DEFB126: variants seen among roughly 807,000 people sequenced by gnomAD.
DEFB126 encodes the protein beta-defensin 126.
DEFB126 carries 2 observed loss-of-function variants against 2.5 expected under a neutral mutation model. The ratio of observed to expected loss-of-function variants is 0.79; its 90% confidence interval spans 0.32 to 2.49. DEFB126 has a LOEUF of 2.49. DEFB126 is among the 30% of genes most tolerant of loss of function. The probability of loss-of-function intolerance (pLI) is 0.11; values close to 1 mark genes in which losing one functional copy is unlikely to be tolerated. For missense variants in DEFB126, 136 were observed against 135.4 expected, an observed-to-expected ratio of 1.00 and a Z score of -0.02; for synonymous variants, 51 against 45.4, an observed-to-expected ratio of 1.12 and a Z score of -0.50.
Position 145,551 on chromosome 20 carries a change from T to G in DEFB126, c.195T>G (p.Arg65=). ...ACTGCTGTGTTCCAGCTGACAGACG[T>G]GCTAATTATCCTGTTTTCTGTGTCC... ...QRDCCVPADR[R]ANYPVFCVQT... The change falls in exon 2 of 2, where the codon CGT becomes CGG. Residue 65 remains arginine (R), a synonymous_variant. Transcript: ENST00000382398. The G allele has an allele frequency of 6.2e-7, 1 of 1,614,072 alleles. No individual in the cohort carries two copies. The highest frequency in any genetic ancestry group is 8.5e-7 in the Non-Finnish European group (1 of 1,179,962).
intron 1 of DEFB126, 50 bp downstream of exon 1, chr20:142,736 G>C (rs776601402): frequency 1.3e-6 from 2 of 1,580,258 alleles, no homozygotes; most frequent in Non-Finnish European, 1.7e-6. Context: ...ACAGGGTCCT[G>C]CACATGGAGT....
chr20:145,348 A>G (rs1284420456), intron 1 of DEFB126, 67 bp from the exon 2 acceptor site: 5 of 1,477,402 alleles, frequency 3.4e-6, no homozygotes, highest in African/African-American at 1.4e-5. Flanking sequence ...CTCAAAAACT[A>G]TTGCTATTTT....
intron 1 of DEFB126, among the ~76,000 whole-genome samples, chr20:143,667 G>A (rs1334105151): frequency 2.6e-5 from 4 of 151,968 alleles, no homozygotes; most frequent in African/African-American, 9.7e-5. Context: ...TGGTACAAGG[G>A]TATTATTTCT....
In DEFB126 at chr20:145,688, G is replaced by A. The variant is rs560284689; in HGVS notation, c.332G>A (p.Gly111Asp). The change falls in exon 2 of 2, where the codon GGT (glycine) becomes GAT (aspartate). Residue 111 changes from glycine (G) to aspartate (D), a missense_variant. By Grantham distance (94) the Gly-to-Asp change is moderately conservative. Transcript: ENST00000382398. ...GCTCCTACCCCCGTTTCTCCCACTG[G>A]TTGAACATTCCAGCCTCTGTCTCCT... ...SMAPTPVSPT[G>D] 6 of 1,610,114 alleles carry A rather than the reference G, an allele frequency of 3.7e-6. No homozygotes were observed. The Admixed American group carries it at 5.0e-5, about 13-fold the overall frequency.
rs752891875 is a variant in DEFB126 at position 145,533 on chromosome 20, T to C, written c.177T>C (p.Cys59=). 6.2e-7 allele frequency: 1 copy of C among 1,614,088 alleles called. No homozygotes were observed. Among genetic ancestry groups the C allele is most frequent in the Non-Finnish European group, 8.5e-7 (1 of 1,179,956 alleles). The part of the protein sequence containing the change: ...WAMCGKQRDC[C]VPADRRANYP... ...TGTGCGGCAAACAAAGGGACTGCTG[T>C]GTTCCAGCTGACAGACGTGCTAATT... is the stretch of plus-strand genomic sequence containing the variant. The change falls in exon 2 of 2, where the codon TGT becomes TGC. Residue 59 remains cysteine, a synonymous_variant. Transcript: ENST00000382398.
At chr20:145,361 A>G (rs1403202275) in intron 1 of DEFB126, 54 bp from the exon 2 acceptor site, 5 of 1,531,824 alleles carry the variant, frequency 3.3e-6, no homozygotes, top group Non-Finnish European at 2.7e-6. Flanking sequence ...GCTATTTTTT[A>G]TCCTCCTGTG....
In DEFB126 at chr20:145,418, A is replaced by G; in HGVS notation, c.62A>G (p.Asn21Ser). Residue 21 changes from asparagine (N) to serine (S), a missense_variant, in exon 2 of 2, where the codon AAT becomes AGT. Physicochemically the swap from Asn to Ser is conservative, Grantham distance 46 (BLOSUM62 1). Transcript: ENST00000382398. ...TCTATATAATTCCTTTATTCAGGTA[A>G]TTGGTATGTGAAAAAGTGTCTAAAC... ...FMLLAQLVSG[N>S]WYVKKCLNDV... 6.2e-7 allele frequency: 1 copy of G among 1,613,278 alleles called. No individual in the cohort carries two copies. The highest frequency in any genetic ancestry group is 8.5e-7 in the Non-Finnish European group (1 of 1,179,436).
intron 1 of DEFB126, among the ~76,000 whole-genome samples, chr20:144,841 A>G (rs552362141): frequency 6.6e-6 from 1 of 152,220 alleles, no homozygotes; most frequent in Non-Finnish European, 1.5e-5. Context: ...TTTTTTATTT[A>G]TCTTTCCATA....
rs1310554623 is a variant in DEFB126, at chr20:142,689, A to G, written c.58+3A>G. 6.2e-7 allele frequency: 1 copy of G among 1,613,524 alleles called. No homozygotes were observed. Among genetic ancestry groups the G allele is most frequent in the South Asian group, 1.1e-5 (1 of 91,080 alleles). ...GCTCCTGGCCCAATTGGTCTCAGGT[A>G]AACAGAATCTTGGGGAAGAAGAAAC... On this transcript the variant is annotated splice_donor_region_variant and intron_variant, in intron 1 of 1. Coordinates refer to ENST00000382398, the MANE Select transcript of DEFB126 (RefSeq NM_030931.4).
chr20:144,814 A>G (rs1402903664), intron 1 of DEFB126, among the ~76,000 whole-genome samples: 1 of 152,152 alleles, frequency 6.6e-6, no homozygotes, highest in African/African-American at 2.4e-5. Flanking sequence ...ATATAGGTAT[A>G]TAGGTATAGA....
In DEFB126 at chr20:142,615, C is replaced by T; in HGVS notation, c.-14C>T. ...ATAGAGACTTCTGGACTCTATAGAA[C>T]CCACTGCCTCCTGATGAAGTCCCTA... On this transcript the variant is annotated 5_prime_UTR_variant, in exon 1 of 2. Coordinates refer to ENST00000382398, the MANE Select transcript of DEFB126 (RefSeq NM_030931.4). The T allele has an allele frequency of 1.2e-6, 2 of 1,613,564 alleles. No individual in the cohort carries two copies. Among genetic ancestry groups the T allele is most frequent in the Admixed American group, 1.7e-5 (1 of 60,004 alleles).
intron 1 of DEFB126, among the ~76,000 whole-genome samples, chr20:143,812 A>G (rs944084033): frequency 7.9e-5 from 12 of 152,144 alleles, no homozygotes; most frequent in Admixed American, 6.6e-4. Flanking sequence ...TTTGAGACAC[A>G]TAATTTTCAT....
chr20:144,877 T>A (rs1367152255), intron 1 of DEFB126, among the ~76,000 whole-genome samples: 1 of 152,132 alleles, frequency 6.6e-6, no homozygotes, highest in Middle Eastern at 3.2e-3. Context: ...TTTAACCAGA[T>A]AATATGTAAG....
chr20:143,565 T>A (rs2054656390), intron 1 of DEFB126, among the ~76,000 whole-genome samples: 1 of 152,176 alleles, frequency 6.6e-6, no homozygotes, highest in Non-Finnish European at 1.5e-5. Context: ...TTTTCTAATG[T>A]GTGAGTACTG....
intron 1 of DEFB126, among the ~76,000 whole-genome samples, chr20:143,952 T>C (rs550290023): frequency 1.6e-4 from 24 of 152,138 alleles, no homozygotes; most frequent in Non-Finnish European, 3.2e-4. Context: ...CCTTTTTACA[T>C]AAGGCACAAT....
rs772166608 is a variant in DEFB126, at chr20:145,604, TAACAGCAAC to T, written c.262_270del (p.Ala88_Thr90del). On this transcript the variant is annotated inframe_deletion, in exon 2 of 2. Transcript: ENST00000382398. ...ACAAAGACTACAAGAATTTCAACAG[TAACAGCAAC>T]AACAGCAACAACAACTTTGATGATG... 1.9e-5 allele frequency: 30 copies of T among 1,613,860 alleles called. No individual in the cohort carries two copies. The highest frequency in any genetic ancestry group is 1.2e-4 in the Admixed American group (7 of 59,964).
In DEFB126 at chr20:145,732, C is replaced by G; in HGVS notation, c.*40C>G. 6.3e-7 allele frequency: 1 copy of G among 1,584,194 alleles called. No homozygotes were observed. The highest frequency in any genetic ancestry group is 8.6e-7 in the Non-Finnish European group (1 of 1,168,988). ...GTCTCCTGCTCTAGGATCCCCGACT[C>G]ATTAAAGCAAAGAGGCTTATTCTGG... On this transcript the variant is annotated 3_prime_UTR_variant, in exon 2 of 2. Transcript: ENST00000382398.
intron 1 of DEFB126, among the ~76,000 whole-genome samples, chr20:142,959 T>C (rs2054653988): frequency 6.6e-6 from 1 of 152,150 alleles, no homozygotes; most frequent in Non-Finnish European, 1.5e-5. Context: ...CCCAAACTTC[T>C]ATCCTGTCAC....
At chr20:145,351 G>A in intron 1 of DEFB126, 64 bp from the exon 2 acceptor site, 2 of 1,482,196 alleles carry the variant, frequency 1.3e-6, no homozygotes, top group Non-Finnish European at 1.8e-6. Flanking sequence ...AAAAACTATT[G>A]CTATTTTTTA....
Sources: gnomAD v4.1 joint callset for allele counts (sites outside exome capture counted in the v4.1 genomes callset) on GRCh38, gnomAD v4.1.1 for gene constraint, MANE v1.5 for transcripts, NCBI Gene and HGNC (gene_info 2026-07-23, HGNC 2026-07-21) for gene names.